The following ARHGAP26 variants were observed in gnomAD, a reference collection of about 807,000 sequenced individuals.
ARHGAP26 encodes Rho GTPase activating protein 26.
ARHGAP26 carries 38 observed loss-of-function variants against 104.8 expected under a neutral mutation model. That is an observed-to-expected ratio of 0.36 (90% confidence interval 0.28 to 0.48). The LOEUF is 0.48. Ranked by LOEUF, ARHGAP26 falls within the 20% of genes least tolerant of loss-of-function variation. The pLI, the probability that ARHGAP26 is intolerant of heterozygous loss-of-function variation, is 0.99. For synonymous variants in ARHGAP26, 341 were observed against 340.0 expected, an observed-to-expected ratio of 1.00 and a Z score of -0.03; for missense variants, 704 against 947.9, an observed-to-expected ratio of 0.74 and a Z score of 3.38.
intron 1 of ARHGAP26, among the ~76,000 whole-genome samples, chr5:142,779,136 T>C (rs1194898322): frequency 1.3e-5 from 2 of 152,154 alleles, no homozygotes; most frequent in Admixed American, 1.3e-4. Context: ...GCTCAGGGAC[T>C]AGGAAGGAAA....
chr5:142,786,281 C>T (rs1758611292), intron 1 of ARHGAP26, among the ~76,000 whole-genome samples: 1 of 151,528 alleles, frequency 6.6e-6, no homozygotes, highest in Non-Finnish European at 1.5e-5. Context: ...GGTGTTTGGC[C>T]CTAATACATT....
At chr5:142,896,990 G>A (rs1759561213) in intron 6 of ARHGAP26, among the ~76,000 whole-genome samples, 1 of 152,090 alleles carries the variant, frequency 6.6e-6, no homozygotes, top group Non-Finnish European at 1.5e-5. Flanking sequence ...TATTAACAGG[G>A]CCTACCTGTT....
intron 11 of ARHGAP26, among the ~76,000 whole-genome samples, chr5:142,955,385 G>A (rs1447226370): frequency 1.3e-5 from 2 of 152,158 alleles, no homozygotes; most frequent in Non-Finnish European, 2.9e-5. Context: ...TTTGAGAAAC[G>A]AGGAAATATG....
rs76998611 is a variant in ARHGAP26 at position 143,015,272 on chromosome 5, A to G, written c.1144+1156A>G. The stretch of plus-strand genomic sequence containing the variant: ...AGATTGTTTTAGAACACTTGAAGTC[A>G]ACTCTGACTAACTGAGGCAAAAACA... On this transcript the variant is annotated intron_variant, in intron 12 of 22. Transcript: ENST00000645722. 4.0e-3 allele frequency among the ~76,000 whole-genome samples: 616 copies of G among 152,330 alleles called. 3 individuals carry two copies. The highest frequency in any genetic ancestry group is 6.0e-3 in the Non-Finnish European group (410 of 68,028).
chr5:142,848,949 A>C (rs1429970253), intron 1 of ARHGAP26, among the ~76,000 whole-genome samples: 1 of 152,228 alleles, frequency 6.6e-6, no homozygotes, highest in Non-Finnish European at 1.5e-5. Context: ...TAGAGATCTC[A>C]GGAGCAATTG....
intron 17 of ARHGAP26, among the ~76,000 whole-genome samples, chr5:143,119,747 C>T (rs1021824089): frequency 3.9e-5 from 6 of 152,086 alleles, no homozygotes; most frequent in Non-Finnish European, 8.8e-5. Flanking sequence ...CATGCTCTGC[C>T]CACCTTTAGA....
At chr5:143,190,174 G>GGAGA (rs1196626208) in intron 20 of ARHGAP26, among the ~76,000 whole-genome samples, 1 of 152,160 alleles carries the variant, frequency 6.6e-6, no homozygotes, top group Non-Finnish European at 1.5e-5. Context: ...CAGAGCTCAG[G>GGAGA]CAGACAGACA....
chr5:142,807,100 C>T (rs550434771), intron 1 of ARHGAP26, among the ~76,000 whole-genome samples: 3 of 152,248 alleles, frequency 2.0e-5, no homozygotes, highest in Middle Eastern at 6.8e-3. Context: ...TAATGACAAC[C>T]GTGATAATGG....
chr5:142,834,856 C>T (rs1004860176), intron 1 of ARHGAP26, among the ~76,000 whole-genome samples: 1 of 152,240 alleles, frequency 6.6e-6, no homozygotes, highest in South Asian at 2.1e-4. Context: ...GGCAAAGTCA[C>T]GTTGCAAAGG....
chr5:143,022,395 T>G (rs1465675800), intron 12 of ARHGAP26, among the ~76,000 whole-genome samples: 1 of 152,214 alleles, frequency 6.6e-6, no homozygotes, highest in Non-Finnish European at 1.5e-5. Context: ...TTACAAATGT[T>G]ATTGCTTAGC....
At chr5:143,159,527 T>G (rs1016668125) in intron 20 of ARHGAP26, among the ~76,000 whole-genome samples, 1 of 152,212 alleles carries the variant, frequency 6.6e-6, no homozygotes, top group African/African-American at 2.4e-5. Flanking sequence ...AGTGTGCAGC[T>G]GTGACTCTCA....
chr5:142,848,930 T>TGGG (rs1384654310), intron 1 of ARHGAP26, among the ~76,000 whole-genome samples: 1 of 152,172 alleles, frequency 6.6e-6, no homozygotes, highest in African/African-American at 2.4e-5. Flanking sequence ...AGGACAAACA[T>TGGG]GGGTGTGTTA....
At chr5:142,835,809 T>C (rs1769442747) in intron 1 of ARHGAP26, among the ~76,000 whole-genome samples, 1 of 152,232 alleles carries the variant, frequency 6.6e-6, no homozygotes, top group Admixed American at 6.5e-5. Context: ...AAGAGATGGA[T>C]AATAATAATT....
intron 20 of ARHGAP26, among the ~76,000 whole-genome samples, chr5:143,189,255 G>A (rs1805564456): frequency 6.6e-6 from 1 of 152,190 alleles, no homozygotes; most frequent in African/African-American, 2.4e-5. Context: ...CTGTGAAGGA[G>A]CTTAGGCAGA....
At chr5:142,831,303 T>C (rs566355166) in intron 1 of ARHGAP26, among the ~76,000 whole-genome samples, 19 of 152,278 alleles carry the variant, frequency 1.2e-4, no homozygotes, top group Non-Finnish European at 2.2e-4. Flanking sequence ...CTTCTCTGGG[T>C]TTTGTGGCAC....
rs138617448 is a variant in ARHGAP26, at chr5:142,956,700, A to G, written c.1107+24575A>G. On this transcript the variant is annotated intron_variant, in intron 11 of 22. Transcript: ENST00000645722. ...GTATTAGTCCATTTTTACACTGCTGATAAAGACATAGTTGAGACTGGGCAA... is the reference window on the plus strand; with the variant it reads ...GTATTAGTCCATTTTTACACTGCTGGTAAAGACATAGTTGAGACTGGGCAA... Among the ~76,000 whole-genome samples the G allele has an allele frequency of 8.0e-4, 122 of 152,350 alleles. 3 individuals are homozygous for G. Among genetic ancestry groups the G allele is most frequent in the African/African-American group, 2.7e-3 (111 of 41,576 alleles).
chr5:142,934,960 T>G (rs1765210997), intron 11 of ARHGAP26, among the ~76,000 whole-genome samples: 1 of 152,196 alleles, frequency 6.6e-6, no homozygotes, highest in Non-Finnish European at 1.5e-5. Flanking sequence ...TAATACACAG[T>G]CATATCCTAG....
At chr5:143,206,174 G>A (rs572151695) in intron 20 of ARHGAP26, among the ~76,000 whole-genome samples, 9 of 152,306 alleles carry the variant, frequency 5.9e-5, no homozygotes, top group South Asian at 2.1e-4. Context: ...CCCTTGAACC[G>A]GATTTCTGTC....
intron 11 of ARHGAP26, among the ~76,000 whole-genome samples, chr5:142,993,566 A>G (rs547450320): frequency 2.0e-5 from 3 of 152,142 alleles, no homozygotes; most frequent in African/African-American, 4.8e-5. Flanking sequence ...TGGCTTCCCA[A>G]AGTGCTGGGA....
Sources: allele counts gnomAD v4.1 joint callset (sites outside exome capture counted in the v4.1 genomes callset), GRCh38; gene constraint gnomAD v4.1.1; transcripts MANE v1.5; gene names NCBI Gene and HGNC (gene_info 2026-07-23, HGNC 2026-07-21).